The following SPAG16 variants were observed in gnomAD, a reference collection of about 807,000 sequenced individuals.
SPAG16 encodes the protein sperm-associated antigen 16 protein.
In SPAG16, 86 loss-of-function variants were observed where a neutral mutation model predicts 80.4. The ratio of observed to expected loss-of-function variants is 1.07; its 90% CI spans 0.90 to 1.28. SPAG16 has a LOEUF of 1.28. SPAG16 is among the 50% of genes most tolerant of loss of function. The pLI is 0.00. For missense variants in SPAG16, 870 were observed against 765.3 expected, an observed-to-expected ratio of 1.14 and a Z score of -1.61; for synonymous variants, 294 against 265.9, an observed-to-expected ratio of 1.11 and a Z score of -1.03.
chr2:213,668,040 G>C (rs919839037), intron 10 of SPAG16, among the ~76,000 whole-genome samples: 2 of 151,666 alleles, frequency 1.3e-5, no homozygotes, highest in Non-Finnish European at 2.9e-5. Flanking sequence ...TCCTGAGTTC[G>C]AGCAATTCTC....
At chr2:214,306,330 A>G (rs1037944621) in intron 15 of SPAG16, among the ~76,000 whole-genome samples, 12 of 152,268 alleles carry the variant, frequency 7.9e-5, no homozygotes, top group Admixed American at 3.3e-4. Context: ...AAATAGAGAT[A>G]ATTTGACTTC....
chr2:213,793,330 C>A (rs549154286), intron 10 of SPAG16, among the ~76,000 whole-genome samples: 12 of 152,192 alleles, frequency 7.9e-5, no homozygotes, highest in African/African-American at 2.6e-4. Context: ...TACAAAGCAA[C>A]AAAACATGCA....
intron 10 of SPAG16, among the ~76,000 whole-genome samples, chr2:213,770,276 T>C (rs1341462313): frequency 6.6e-6 from 1 of 152,112 alleles, no homozygotes; most frequent in Non-Finnish European, 1.5e-5. Context: ...GGATATGTCA[T>C]TTTTATTGGA....
intron 14 of SPAG16, among the ~76,000 whole-genome samples, chr2:214,121,271 C>A (rs1442292345): frequency 2.0e-5 from 3 of 151,746 alleles, no homozygotes; most frequent in African/African-American, 7.2e-5. Flanking sequence ...TTCATTATAG[C>A]ATTGTATCAT....
At chr2:214,095,021 T>C (rs1303106742) in intron 13 of SPAG16, among the ~76,000 whole-genome samples, 1 of 152,064 alleles carries the variant, frequency 6.6e-6, no homozygotes, top group Non-Finnish European at 1.5e-5. Flanking sequence ...TTCCCTCATT[T>C]GCTTAATGAT....
intron 10 of SPAG16, among the ~76,000 whole-genome samples, chr2:213,520,197 G>A (rs1460867123): frequency 6.6e-6 from 1 of 152,060 alleles, no homozygotes; most frequent in Non-Finnish European, 1.5e-5. Context: ...CCAGAAGTTA[G>A]GAGAAAGTCA....
chr2:214,323,929 AT>A, intron 15 of SPAG16, among the ~76,000 whole-genome samples: 1 of 152,196 alleles, frequency 6.6e-6, no homozygotes, highest in Non-Finnish European at 1.5e-5. Flanking sequence ...CCAAACTTGA[AT>A]TTTTTTGGTC....
intron 10 of SPAG16, among the ~76,000 whole-genome samples, chr2:213,728,224 G>A (rs150433675): frequency 3.9e-4 from 60 of 152,274 alleles, no homozygotes; most frequent in African/African-American, 1.4e-3. Context: ...AAATGAATGT[G>A]TTTGGCAGAG....
chr2:213,490,146 T>G, intron 10 of SPAG16, 56 bp downstream of exon 10: 1 of 1,482,706 alleles, frequency 6.7e-7, no homozygotes, highest in Non-Finnish European at 9.1e-7. Context: ...ATGTCAAAAT[T>G]TTAATGCTCT....
intron 10 of SPAG16, among the ~76,000 whole-genome samples, chr2:213,700,415 T>C (rs189363213): frequency 6.6e-6 from 1 of 152,298 alleles, no homozygotes; most frequent in East Asian, 1.9e-4. Flanking sequence ...GGTGGAAATA[T>C]AACACATCAT....
intron 11 of SPAG16, among the ~76,000 whole-genome samples, chr2:213,925,527 T>C (rs140632556): frequency 0.031 from 4,646 of 152,206 alleles, 177 homozygotes; most frequent in African/African-American, 0.088. Flanking sequence ...AATTTTTGTA[T>C]TTTTAGTAGG....
At chr2:213,963,712 A>G (rs889103637) in intron 12 of SPAG16, among the ~76,000 whole-genome samples, 1 of 152,088 alleles carries the variant, frequency 6.6e-6, no homozygotes, top group African/African-American at 2.4e-5. Context: ...GGTTTATTTT[A>G]TGTACCTATT....
intron 15 of SPAG16, among the ~76,000 whole-genome samples, chr2:214,234,123 G>A (rs925470921): frequency 6.6e-6 from 1 of 152,012 alleles, no homozygotes; most frequent in African/African-American, 2.4e-5. Context: ...CCACTTATAA[G>A]TGAGAAGATG....
At position 214,014,034 on chromosome 2, in the gene SPAG16, C is replaced by T; in HGVS notation, c.1484C>T (p.Thr495Ile). ...EFFPFSNTLL[T>I]SSADKTLSIW... ...TTTCCTTTCTCCAATACTCTTCTCA[C>T]AAGCTCTGCAGACAAGACCCTGTCT... The change falls in exon 13 of 16, where the codon ACA becomes ATA. Residue 495 changes from threonine to isoleucine, a missense_variant. Physicochemically the swap from Thr to Ile is moderately conservative, Grantham distance 89 (BLOSUM62 -1). Transcript: ENST00000331683. 6.2e-7 allele frequency: 1 copy of T among 1,613,558 alleles called. No individual in the cohort carries two copies. The highest frequency in any genetic ancestry group is 1.7e-5 in the Admixed American group (1 of 60,010).
At chr2:214,105,911 G>GT (rs1476913918) in intron 13 of SPAG16, among the ~76,000 whole-genome samples, 9 of 152,042 alleles carry the variant, frequency 5.9e-5, no homozygotes, top group African/African-American at 1.9e-4. Flanking sequence ...TTATCTTCGA[G>GT]TCAGGTTTTG....
At position 213,388,334 on chromosome 2, in the gene SPAG16, C is replaced by T. The variant is rs534829264; in HGVS notation, c.942+13215C>T. ...TATTCACCCTTGTCTCCCTCTCTAG[C>T]TGAAGTGATTTCCAGGGACTTAAAG... is the stretch of plus-strand genomic sequence containing the variant. On this transcript the variant is annotated intron_variant, in intron 9 of 15. Coordinates refer to ENST00000331683, the MANE Select transcript of SPAG16 (RefSeq NM_024532.5). Among the ~76,000 whole-genome samples the T allele has an allele frequency of 2.6e-5, 4 of 152,336 alleles. No homozygotes were observed. In the East Asian group the frequency reaches 7.7e-4, roughly 29 times the overall value.
chr2:214,339,672 A>G (rs569601970), intron 15 of SPAG16, among the ~76,000 whole-genome samples: 1 of 152,346 alleles, frequency 6.6e-6, no homozygotes, highest in Admixed American at 6.5e-5. Flanking sequence ...TTCCTGCAAA[A>G]TAAACTTCTC....
chr2:214,095,478 G>A (rs138989315), intron 13 of SPAG16, among the ~76,000 whole-genome samples: 113 of 152,164 alleles, frequency 7.4e-4, no homozygotes, highest in African/African-American at 2.6e-3. Flanking sequence ...ATTTAAATAT[G>A]CTATTAACTC....
intron 10 of SPAG16, among the ~76,000 whole-genome samples, chr2:213,548,847 CTG>C (rs1280946310): frequency 1.3e-5 from 2 of 152,154 alleles, no homozygotes; most frequent in African/African-American, 2.4e-5. Context: ...ATTATAAAAA[CTG>C]TTTTCATGCA....
Sources: allele counts gnomAD v4.1 joint callset (sites outside exome capture counted in the v4.1 genomes callset), GRCh38; gene constraint gnomAD v4.1.1; transcripts MANE v1.5; gene names NCBI Gene and HGNC (gene_info 2026-07-23, HGNC 2026-07-21).